DAB1: variants seen among roughly 807,000 people sequenced by gnomAD.
DAB1 encodes the protein disabled homolog 1.
DAB1 carries 15 observed loss-of-function variants against 64.6 expected under a neutral mutation model. The ratio of observed to expected loss-of-function variants is 0.23; its 90% CI spans 0.16 to 0.36. The LOEUF is 0.36. Ranked by LOEUF, DAB1 falls within the 10% of genes least tolerant of loss-of-function variation. DAB1 has a pLI of 1.00. For missense variants in DAB1, 596 were observed against 706.7 expected (o/e 0.84, Z 1.78); for synonymous variants, 235 against 251.9 (o/e 0.93, Z 0.64).
intron 7 of DAB1, among the ~76,000 whole-genome samples, chr1:57,471,511 C>T (rs1266741716): frequency 2.0e-5 from 3 of 152,148 alleles, no homozygotes; most frequent in Admixed American, 6.5e-5. Context: ...TGAATTCCCA[C>T]GTGTTGCAGG....
intron 3 of DAB1, among the ~76,000 whole-genome samples, chr1:58,363,863 C>T (rs184037110): frequency 6.6e-6 from 1 of 152,300 alleles, no homozygotes; most frequent in African/African-American, 2.4e-5. Flanking sequence ...AGGGGGAGCC[C>T]TTATCTCCCT....
intron 7 of DAB1, among the ~76,000 whole-genome samples, chr1:57,541,280 C>A (rs1644800763): frequency 6.6e-6 from 1 of 152,076 alleles, no homozygotes; most frequent in Non-Finnish European, 1.5e-5. Flanking sequence ...AGGCGCCTGC[C>A]ACCACGCCCA....
At chr1:57,817,545 G>T (rs1352923399) in intron 6 of DAB1, among the ~76,000 whole-genome samples, 1 of 152,182 alleles carries the variant, frequency 6.6e-6, no homozygotes, top group African/African-American at 2.4e-5. Context: ...TGCCAACGTT[G>T]AACGAGCAGG....
chr1:58,300,636 GAGAGAGAGAGAGGAAGGA>G (rs1244274120), intron 4 of DAB1, among the ~76,000 whole-genome samples: 35 of 59,210 alleles, frequency 5.9e-4, no homozygotes, highest in East Asian at 1.3e-3. Flanking sequence ...GAGAGAGAGA[GAGAGAGAGAGAGGAAGGA>G]AGGAAGGAAG....
chr1:57,574,883 A>G (rs901502172), intron 7 of DAB1, among the ~76,000 whole-genome samples: 26 of 152,236 alleles, frequency 1.7e-4, no homozygotes, highest in Non-Finnish European at 3.2e-4. Context: ...CCTAATCTTT[A>G]GGACTGATGG....
At chr1:57,308,705 A>G (rs183265085) in intron 1 of DAB1, among the ~76,000 whole-genome samples, 33 of 152,352 alleles carry the variant, frequency 2.2e-4, no homozygotes, top group Admixed American at 2.0e-3. Flanking sequence ...GCTAAAAAGT[A>G]CTTTTCCATC....
At chr1:58,460,699 C>G (rs1645235395) in intron 3 of DAB1, among the ~76,000 whole-genome samples, 1 of 152,160 alleles carries the variant, frequency 6.6e-6, no homozygotes, top group Non-Finnish European at 1.5e-5. Context: ...TCTCATTGCT[C>G]TCTGACTGGG....
At chr1:58,207,830 G>A (rs1658357064) in intron 4 of DAB1, among the ~76,000 whole-genome samples, 1 of 152,104 alleles carries the variant, frequency 6.6e-6, no homozygotes, top group African/African-American at 2.4e-5. Flanking sequence ...ACTTTCCCAA[G>A]ATCACAAAGT....
At chr1:57,558,923 A>G (rs2101498666) in intron 7 of DAB1, among the ~76,000 whole-genome samples, 1 of 152,278 alleles carries the variant, frequency 6.6e-6, no homozygotes, top group Non-Finnish European at 1.5e-5. Flanking sequence ...GCCTTGTGAA[A>G]TAGATTTGTG....
At chr1:58,190,499 C>T (rs551014956) in intron 4 of DAB1, among the ~76,000 whole-genome samples, 8 of 152,290 alleles carry the variant, frequency 5.3e-5, no homozygotes, top group Admixed American at 1.3e-4. Flanking sequence ...ATGTTGGCCA[C>T]GGGTTCTCTC....
chr1:57,206,451 G>T (rs1486166607), intron 2 of DAB1, among the ~76,000 whole-genome samples: 1 of 152,164 alleles, frequency 6.6e-6, no homozygotes, highest in Non-Finnish European at 1.5e-5. Flanking sequence ...ATTAAAAAAG[G>T]CAGTGACCTA....
intron 4 of DAB1, among the ~76,000 whole-genome samples, chr1:58,267,487 C>G (rs1196017960): frequency 6.6e-6 from 1 of 152,118 alleles, no homozygotes; most frequent in Non-Finnish European, 1.5e-5. Context: ...TGGAAGACAG[C>G]ATCTTTCAAA....
At chr1:58,094,562 G>A (rs1459189510) in intron 5 of DAB1, among the ~76,000 whole-genome samples, 2 of 152,156 alleles carry the variant, frequency 1.3e-5, no homozygotes, top group Non-Finnish European at 1.5e-5. Flanking sequence ...TTTAAGTTCT[G>A]GTTTCTTCAA....
At chr1:58,091,119 C>T (rs1216162204) in intron 5 of DAB1, among the ~76,000 whole-genome samples, 2 of 152,212 alleles carry the variant, frequency 1.3e-5, no homozygotes, top group Non-Finnish European at 2.9e-5. Context: ...TAGCCCCCTC[C>T]GGCTCCCCTG....
At chr1:57,166,013 G>A (rs1221458088) in intron 2 of DAB1, among the ~76,000 whole-genome samples, 1 of 152,058 alleles carries the variant, frequency 6.6e-6, no homozygotes. Flanking sequence ...GGGATGCTAA[G>A]GACTCCAGAA....
chr1:57,211,513 T>A (rs1200414160), intron 2 of DAB1, among the ~76,000 whole-genome samples: 1 of 152,216 alleles, frequency 6.6e-6, no homozygotes, highest in African/African-American at 2.4e-5. Context: ...ATCATCACTT[T>A]AAGGATGGGT....
At chr1:57,710,261 C>T (rs967427305) in intron 6 of DAB1, among the ~76,000 whole-genome samples, 1 of 152,030 alleles carries the variant, frequency 6.6e-6, no homozygotes, top group African/African-American at 2.4e-5. Flanking sequence ...AAGGTGTATA[C>T]CTCCATAGGT....
intron 4 of DAB1, among the ~76,000 whole-genome samples, chr1:58,281,275 C>T (rs574387376): frequency 6.6e-6 from 1 of 151,854 alleles, no homozygotes; most frequent in East Asian, 1.9e-4. Flanking sequence ...GGAGCCCCCA[C>T]CCCCACCAAA....
At chr1:58,313,249 G>T (rs904112185) in intron 4 of DAB1, among the ~76,000 whole-genome samples, 2 of 152,152 alleles carry the variant, frequency 1.3e-5, no homozygotes, top group African/African-American at 4.8e-5. Context: ...ATTTAATTAG[G>T]ATAACAGGAC....
Sources: gnomAD v4.1 joint callset for allele counts (sites outside exome capture counted in the v4.1 genomes callset) on GRCh38, gnomAD v4.1.1 for gene constraint, MANE v1.5 for transcripts, NCBI Gene and HGNC (gene_info 2026-07-23, HGNC 2026-07-21) for gene names.